CAMK1D: variants seen among roughly 807,000 people sequenced by gnomAD.
The protein encoded by CAMK1D is calcium/calmodulin-dependent protein kinase type 1D.
A neutral mutation model predicts 47.7 loss-of-function variants in CAMK1D; 9 were observed. The observed-to-expected ratio is 0.19, with a 90% CI of 0.11 to 0.33. CAMK1D has a LOEUF of 0.33. CAMK1D is among the 10% of genes least tolerant of loss of function. The pLI, the probability that CAMK1D is intolerant of heterozygous loss-of-function variation, is 1.00. For missense variants in CAMK1D, 291 were observed against 488.7 expected (o/e 0.60, Z 3.81); for synonymous variants, 184 against 184.9 (o/e 0.99, Z 0.04).
intron 6 of CAMK1D, among the ~76,000 whole-genome samples, chr10:12,799,375 C>T (rs372356559): frequency 5.3e-5 from 8 of 151,680 alleles, no homozygotes; most frequent in South Asian, 2.1e-4. Flanking sequence ...TATGCAGATG[C>T]GTAACTGCTT....
At chr10:12,801,297 GTATCTATCTATCTATCTATCTATC>G (rs1183015885) in intron 6 of CAMK1D, among the ~76,000 whole-genome samples, 14 of 89,992 alleles carry the variant, frequency 1.6e-4, no homozygotes, top group African/African-American at 5.1e-4. Flanking sequence ...GTCTGTGTGT[GTATCTATCTATCTATCTATCTATC>G]TATCTATCTA....
chr10:12,522,108 T>A (rs2132193586), intron 1 of CAMK1D, among the ~76,000 whole-genome samples: 1 of 152,016 alleles, frequency 6.6e-6, no homozygotes, highest in South Asian at 2.1e-4. Flanking sequence ...ACTATTTTAT[T>A]ATTTGCTTTG....
intron 1 of CAMK1D, among the ~76,000 whole-genome samples, chr10:12,514,970 C>G (rs1368697059): frequency 1.3e-5 from 2 of 152,206 alleles, no homozygotes; most frequent in Admixed American, 1.3e-4. Context: ...CCTGCCTCAG[C>G]CTCCTGACTA....
At chr10:12,754,766 G>A (rs1836155094) in intron 3 of CAMK1D, among the ~76,000 whole-genome samples, 1 of 152,160 alleles carries the variant, frequency 6.6e-6, no homozygotes, top group South Asian at 2.1e-4. Flanking sequence ...TTCCTTGTGT[G>A]CATGGAATTC....
At chr10:12,648,667 C>G (rs530637472) in intron 2 of CAMK1D, among the ~76,000 whole-genome samples, 2 of 152,046 alleles carry the variant, frequency 1.3e-5, no homozygotes, top group African/African-American at 4.8e-5. Flanking sequence ...GGTGGGGTTT[C>G]GCTATCTTGG....
intron 1 of CAMK1D, among the ~76,000 whole-genome samples, chr10:12,454,413 C>T (rs895267680): frequency 2.0e-5 from 3 of 152,280 alleles, no homozygotes; most frequent in Non-Finnish European, 2.9e-5. Flanking sequence ...CCATCTGCCT[C>T]GTCCTCCCAA....
intron 1 of CAMK1D, among the ~76,000 whole-genome samples, chr10:12,485,051 G>C (rs1302475860): frequency 6.6e-6 from 1 of 152,204 alleles, no homozygotes; most frequent in Non-Finnish European, 1.5e-5. Flanking sequence ...CAGAGAGGAG[G>C]CTTTCGGGAA....
Position 12,830,506 on chromosome 10 carries a change from C to G in CAMK1D, c.*1619C>G, listed in dbSNP as rs930570794. 6.6e-6 allele frequency: 1 copy of G among 152,164 alleles called. No individual in the cohort carries two copies. The highest frequency in any genetic ancestry group is 2.4e-5 in the African/African-American group (1 of 41,414). 9.4% of individuals were successfully genotyped at this position (152,164 alleles called of 1,614,324 possible). A position where few individuals can be genotyped will look rare whatever the true frequency, so the allele number is the denominator to read the frequency against. ...TAGGGTCACCAAACGTCCCATTTGC[C>G]CGAGACTGAAGGATTTCTCAGGCTG... On this transcript the variant is annotated 3_prime_UTR_variant, in exon 11 of 11. Coordinates refer to ENST00000619168, the MANE Select transcript of CAMK1D (RefSeq NM_153498.4).
intron 2 of CAMK1D, among the ~76,000 whole-genome samples, chr10:12,597,083 A>C (rs1838168008): frequency 6.6e-6 from 1 of 152,118 alleles, no homozygotes; most frequent in South Asian, 2.1e-4. Context: ...GAAAATAAAA[A>C]ATACACAGCT....
rs575884908 is a variant in CAMK1D, at chr10:12,696,428, T to C, written c.299+29618T>C. 3.3e-5 allele frequency among the ~76,000 whole-genome samples: 5 copies of C among 152,160 alleles called. 1 individual carries two copies. The highest frequency in any genetic ancestry group is 1.2e-4 in the African/African-American group (5 of 41,524). ...GGCGTGCACCTGTAATCCCAGCTAC[T>C]CAGGAGCCTGAGGTGGAAGAATTGC... On this transcript the variant is annotated intron_variant, in intron 3 of 10. Transcript: ENST00000619168.
At chr10:12,598,128 A>C (rs1012001672) in intron 2 of CAMK1D, among the ~76,000 whole-genome samples, 1 of 152,252 alleles carries the variant, frequency 6.6e-6, no homozygotes, top group African/African-American at 2.4e-5. Context: ...TTAGCTTCAG[A>C]AAGAACTCAT....
intron 1 of CAMK1D, among the ~76,000 whole-genome samples, chr10:12,459,286 A>G (rs1035726621): frequency 2.0e-5 from 3 of 152,198 alleles, no homozygotes; most frequent in African/African-American, 7.2e-5. Context: ...TGTTGGTGGA[A>G]AACTAGAATT....
chr10:12,613,674 T>A (rs1838698271), intron 2 of CAMK1D, among the ~76,000 whole-genome samples: 1 of 152,158 alleles, frequency 6.6e-6, no homozygotes, highest in Non-Finnish European at 1.5e-5. Flanking sequence ...GAGACGGGGT[T>A]TCACTATGTT....
At chr10:12,772,871 A>G (rs1019484916) in intron 5 of CAMK1D, among the ~76,000 whole-genome samples, 1 of 152,126 alleles carries the variant, frequency 6.6e-6, no homozygotes, top group Non-Finnish European at 1.5e-5. Context: ...ACAACTTCAG[A>G]GTAGGGAAGG....
At chr10:12,389,006 T>G (rs1370191028) in intron 1 of CAMK1D, among the ~76,000 whole-genome samples, 2 of 152,194 alleles carry the variant, frequency 1.3e-5, no homozygotes, top group Non-Finnish European at 2.9e-5. Context: ...CCGCAGCTGA[T>G]GGAGACACCA....
At chr10:12,452,289 A>G (rs947401485) in intron 1 of CAMK1D, among the ~76,000 whole-genome samples, 1 of 152,102 alleles carries the variant, frequency 6.6e-6, no homozygotes, top group African/African-American at 2.4e-5. Flanking sequence ...ACAATTATTT[A>G]TATTGATTTA....
At chr10:12,743,346 C>CAAAAAAAAAA (rs199673328) in intron 3 of CAMK1D, among the ~76,000 whole-genome samples, 9 of 92,366 alleles carry the variant, frequency 9.7e-5, no homozygotes, top group African/African-American at 3.8e-4. Flanking sequence ...GACCCTGTCT[C>CAAAAAAAAAA]AAAAAAAAAA....
Position 12,696,146 on chromosome 10 carries a change from C to T in CAMK1D, c.299+29336C>T, listed in dbSNP as rs180782958. Reference sequence around the variant, plus strand: ...TATTTGACCTCTTTGGAAATCTTGCCATACTTTTGTCTTGTAAGTAGACAT... The same window carrying T: ...TATTTGACCTCTTTGGAAATCTTGCTATACTTTTGTCTTGTAAGTAGACAT... On this transcript the variant is annotated intron_variant, in intron 3 of 10. Transcript: ENST00000619168. Among the ~76,000 whole-genome samples, 4 of 152,092 alleles carry T rather than the reference C, an allele frequency of 2.6e-5. No individual in the cohort carries two copies. The East Asian group carries it at 7.8e-4, about 30-fold the overall frequency.
chr10:12,637,486 C>G (rs1010015062), intron 2 of CAMK1D, among the ~76,000 whole-genome samples: 6 of 152,084 alleles, frequency 3.9e-5, no homozygotes, highest in Non-Finnish European at 8.8e-5. Flanking sequence ...CGTATGACAT[C>G]CATTCACTTC....
Sources: allele counts gnomAD v4.1 joint callset (sites outside exome capture counted in the v4.1 genomes callset), GRCh38; gene constraint gnomAD v4.1.1; transcripts MANE v1.5; gene names NCBI Gene and HGNC (gene_info 2026-07-23, HGNC 2026-07-21).